Variants in FAT4 observed in about 807,000 individuals in gnomAD.
The protein encoded by FAT4 is FAT atypical cadherin 4.
FAT4 carries 84 observed loss-of-function variants against 303.9 expected under a neutral mutation model. The observed-to-expected ratio is 0.28, with a 90% CI of 0.23 to 0.33. The LOEUF (loss-of-function observed/expected upper bound fraction) is 0.33, where lower values mean the gene tolerates loss of function less well. Among genes scored for constraint, FAT4 ranks in the 10% least tolerant of loss-of-function variants. The probability of loss-of-function intolerance (pLI) is 1.00; values close to 1 mark genes in which losing one functional copy is unlikely to be tolerated. For missense variants in FAT4, 6,005 were observed against 6,146.8 expected (o/e 0.98, Z 0.77); for synonymous variants, 2,307 against 2,298.8 (o/e 1.00, Z -0.10).
At chr4:125,441,605 A>T (rs2126050541) in intron 8 of FAT4, among the ~76,000 whole-genome samples, 1 of 152,320 alleles carries the variant, frequency 6.6e-6, no homozygotes, top group Non-Finnish European at 1.5e-5. Flanking sequence ...TACAAAGCAA[A>T]GCTGGAGTCA....
At chr4:125,470,570 C>T (rs11098814) in intron 12 of FAT4, among the ~76,000 whole-genome samples, 114,774 of 152,126 alleles carry the variant, frequency 0.75, 43,423 homozygotes, top group East Asian at 0.85. Context: ...CTTTGTCCTA[C>T]TACCTTACAG....
chr4:125,463,318 T>A (rs1330063714), intron 10 of FAT4, among the ~76,000 whole-genome samples: 1 of 152,044 alleles, frequency 6.6e-6, no homozygotes, highest in Non-Finnish European at 1.5e-5. Context: ...CAAACAGTAT[T>A]TTCTTCCAAG....
rs79909102 is a variant in FAT4, at chr4:125,452,270, A to G, written c.11260A>G (p.Ser3754Gly). The change falls in exon 10 of 18, where the codon AGT becomes GGT. Residue 3754 changes from serine (S) to glycine (G), a missense_variant. Physicochemically the swap from Ser to Gly is moderately conservative, Grantham distance 56. Transcript: ENST00000394329. ...CTTAGGGACTGCTGTGCAACTGTAC[A>G]GTGCATATGAAGAGAACAATAGAAC... ...TGLGTAVQLY[S>G]AYEENNRTFL... The G allele has an allele frequency of 3.4e-4, 554 of 1,614,254 alleles. No individual in the cohort carries two copies. Among genetic ancestry groups the G allele is most frequent in the African/African-American group, 1.6e-3 (123 of 75,070 alleles).
chr4:125,491,204 G>A lies in FAT4; in HGVS notation c.14388G>A (p.Arg4796=), dbSNP rs149584153. The change falls in exon 18 of 18, where the codon AGG becomes AGA. Residue 4796 remains arginine (R), a synonymous_variant. Coordinates refer to ENST00000394329, the MANE Select transcript of FAT4 (RefSeq NM_001291303.3). ...PVGLSIEEVE[R]LNTPRPRNPS... ...GACTTTCTATTGAAGAAGTGGAGAGGCTCAACACACCTCGCCCTAGAAACC... is the reference window on the plus strand; with the variant it reads ...GACTTTCTATTGAAGAAGTGGAGAGACTCAACACACCTCGCCCTAGAAACC... 96 of 1,614,034 alleles carry A rather than the reference G, an allele frequency of 5.9e-5. 1 individual carries two copies. The African/African-American group carries it at 8.8e-4, about 15-fold the overall frequency.
In FAT4 at chr4:125,407,054, A is replaced by G. The variant is rs754892086; in HGVS notation, c.5482A>G (p.Asn1828Asp). The G allele has an allele frequency of 1.2e-6, 2 of 1,613,536 alleles. No individual in the cohort carries two copies. Among genetic ancestry groups the G allele is most frequent in the Admixed American group, 1.7e-5 (1 of 59,954 alleles). The change falls in exon 4 of 18, where the codon AAT becomes GAT. Residue 1828 changes from asparagine to aspartate, a missense_variant. Coordinates refer to ENST00000394329, the MANE Select transcript of FAT4 (RefSeq NM_001291303.3). ...DGLQSSDMRI[N>D]ITVSDVNDHT... The stretch of plus-strand genomic sequence containing the variant: ...TCTTCAGTCCTCGGATATGAGAATT[A>G]ATATCACTGTCAGTGATGTGAATGA...
intron 2 of FAT4, among the ~76,000 whole-genome samples, chr4:125,391,492 G>A (rs1438198915): frequency 6.6e-6 from 1 of 152,078 alleles, no homozygotes; most frequent in South Asian, 2.1e-4. Flanking sequence ...CACAGAGAAG[G>A]GAACAACACA....
At chr4:125,426,371 CCAGACATGAAATG>C (rs1725087618) in intron 7 of FAT4, among the ~76,000 whole-genome samples, 1 of 151,960 alleles carries the variant, frequency 6.6e-6, no homozygotes, top group Non-Finnish European at 1.5e-5. Context: ...CCTTCAATTA[CCAGACATGAAATG>C]CATTTGACTT....
chr4:125,448,535 G>A lies in FAT4; in HGVS notation c.7525G>A (p.Gly2509Ser). The A allele has an allele frequency of 6.2e-7, 1 of 1,613,686 alleles. No homozygotes were observed. The highest frequency in any genetic ancestry group is 2.2e-5 in the East Asian group (1 of 44,868). ...PNSELHYSLS[G>S]RNSEKFHIDP... ...TTCTGAACTGCATTATTCTCTTTCG[G>A]GTAGAAATTCTGAAAAATTTCACAT... is the stretch of plus-strand genomic sequence containing the variant. Residue 2509 changes from glycine (G) to serine (S), a missense_variant, in exon 10 of 18, where the codon GGT (glycine) becomes AGT (serine). Transcript: ENST00000394329.
chr4:125,472,963 T>C (rs1560629289), intron 12 of FAT4, among the ~76,000 whole-genome samples: 1 of 152,176 alleles, frequency 6.6e-6, no homozygotes, highest in Non-Finnish European at 1.5e-5. Flanking sequence ...TAGTTATAGA[T>C]GGTTTTCCAT....
chr4:125,387,239 G>A (rs865873018), intron 2 of FAT4, among the ~76,000 whole-genome samples: 10 of 152,286 alleles, frequency 6.6e-5, no homozygotes, highest in East Asian at 1.9e-4. Flanking sequence ...TCAAAGGTTT[G>A]TGTCTTTTGC....
rs151029915 is a variant in FAT4, at chr4:125,441,999, C to T, written c.7200-4294C>T. On this transcript the variant is annotated intron_variant, in intron 8 of 17. Transcript: ENST00000394329. ...GAACACAGCCATGCCCATTCATGTA[C>T]CTATTGTCTTTGGCTGCTCTTGCCA... 3.5e-3 allele frequency among the ~76,000 whole-genome samples: 529 copies of T among 152,252 alleles called. 3 individuals are homozygous for T. The highest frequency in any genetic ancestry group is 0.012 in the African/African-American group (505 of 41,546).
intron 4 of FAT4, among the ~76,000 whole-genome samples, chr4:125,407,722 G>T (rs1734674223): frequency 6.6e-6 from 1 of 151,978 alleles, no homozygotes; most frequent in Non-Finnish European, 1.5e-5. Context: ...TTATAATCTT[G>T]CTTCTTTGAA....
At chr4:125,323,757 A>G (rs1211268793) in intron 2 of FAT4, among the ~76,000 whole-genome samples, 2 of 152,208 alleles carry the variant, frequency 1.3e-5, no homozygotes, top group African/African-American at 2.4e-5. Context: ...TTCTGCAAAA[A>G]TAAGTTATAC....
chr4:125,485,664 A>G (rs1334838606), intron 16 of FAT4, among the ~76,000 whole-genome samples: 1 of 152,198 alleles, frequency 6.6e-6, no homozygotes, highest in Non-Finnish European at 1.5e-5. Flanking sequence ...TTATATCATT[A>G]GAAGCAGTAC....
intron 8 of FAT4, among the ~76,000 whole-genome samples, chr4:125,440,610 T>TGAGAGAGA (rs1553925990): frequency 0.24 from 17,940 of 75,556 alleles, 2,854 homozygotes; most frequent in Non-Finnish European, 0.3. Flanking sequence ...TGTGTGTGTG[T>TGAGAGAGA]GAGAGAGAGA....
intron 10 of FAT4, among the ~76,000 whole-genome samples, chr4:125,454,196 G>A (rs1362404349): frequency 2.0e-5 from 3 of 152,134 alleles, no homozygotes; most frequent in Admixed American, 6.6e-5. Flanking sequence ...TTAAGCAAAT[G>A]CATTTCTATG....
At position 125,468,629 on chromosome 4, in the gene FAT4, A is replaced by T. The variant is rs138368884; in HGVS notation, c.12023A>T (p.Lys4008Ile). The change falls in exon 12 of 18, where the codon AAA becomes ATA. Residue 4008 changes from lysine to isoleucine, a missense_variant. Transcript: ENST00000394329. ...NYIYVKFATIKSHALLLYNYD... is the reference protein window; with the variant it reads ...NYIYVKFATIISHALLLYNYD... ...ATTTATGTCAAATTTGCCACGATTA[A>T]AAGTCATGCCTTATTGCTTTACAAC... The T allele has an allele frequency of 4.3e-5, 70 of 1,614,008 alleles. No homozygotes were observed. The highest frequency in any genetic ancestry group is 5.5e-5 in the Non-Finnish European group (65 of 1,180,016).
intron 2 of FAT4, among the ~76,000 whole-genome samples, chr4:125,372,801 G>A (rs1045322329): frequency 2.0e-5 from 3 of 152,054 alleles, no homozygotes; most frequent in African/African-American, 7.2e-5. Flanking sequence ...AAGAAAATAT[G>A]ATATTCATCA....
chr4:125,437,566 G>T (rs1477265166), intron 8 of FAT4, among the ~76,000 whole-genome samples: 1 of 152,114 alleles, frequency 6.6e-6, no homozygotes, highest in Non-Finnish European at 1.5e-5. Flanking sequence ...TCTGTCCAGG[G>T]TCATAACCCG....
Sources: gnomAD v4.1 joint callset for allele counts (sites outside exome capture counted in the v4.1 genomes callset) on GRCh38, gnomAD v4.1.1 for gene constraint, MANE v1.5 for transcripts, NCBI Gene and HGNC (gene_info 2026-07-23, HGNC 2026-07-21) for gene names.